Variants in EBF1 observed in about 807,000 individuals in gnomAD.
EBF1 encodes the protein EBF transcription factor 1, also known as transcription factor COE1.
In EBF1, 10 loss-of-function variants were observed where a neutral mutation model predicts 68.4. The ratio of observed to expected loss-of-function variants is 0.15; its 90% CI spans 0.09 to 0.25. The LOEUF (loss-of-function observed/expected upper bound fraction) is 0.25, where lower values mean the gene tolerates loss of function less well. Ranked by LOEUF, EBF1 falls within the 10% of genes least tolerant of loss-of-function variation. EBF1 has a pLI of 1.00. For missense variants in EBF1, 509 were observed against 794.4 expected, an observed-to-expected ratio of 0.64 and a Z score of 4.32; for synonymous variants, 298 against 299.8, an observed-to-expected ratio of 0.99 and a Z score of 0.06.
chr5:159,020,818 T>A lies in EBF1; in HGVS notation c.554+52578A>T, dbSNP rs191712122. 2.3e-4 allele frequency among the ~76,000 whole-genome samples: 35 copies of A among 152,350 alleles called. No homozygotes were observed. In the East Asian group the frequency reaches 6.4e-3, roughly 28 times the overall value. ...AGTAAGTAGATGCTCAGAAAATATA[T>A]CTGATCTAGGCAAACTATGGGGATA... is the stretch of plus-strand genomic sequence containing the variant. On this transcript the variant is annotated intron_variant, in intron 6 of 15. Coordinates refer to ENST00000313708, the MANE Select transcript of EBF1 (RefSeq NM_024007.5).
At chr5:158,839,822 T>C (rs548334675) in intron 7 of EBF1, among the ~76,000 whole-genome samples, 5 of 152,328 alleles carry the variant, frequency 3.3e-5, no homozygotes, top group Admixed American at 1.3e-4. Flanking sequence ...AAGAACACCA[T>C]TGTTTCCACC....
chr5:158,724,740 G>T (rs1482413588), intron 11 of EBF1, among the ~76,000 whole-genome samples: 1 of 152,134 alleles, frequency 6.6e-6, no homozygotes. Flanking sequence ...AATAATATTT[G>T]GCACAATGCA....
At chr5:158,819,627 G>A (rs1784426871) in intron 8 of EBF1, among the ~76,000 whole-genome samples, 2 of 152,206 alleles carry the variant, frequency 1.3e-5, no homozygotes, top group Admixed American at 6.5e-5. Context: ...ACACAGGGTA[G>A]CGCTGAACAT....
At chr5:158,793,482 T>C (rs559522736) in intron 9 of EBF1, among the ~76,000 whole-genome samples, 2 of 152,290 alleles carry the variant, frequency 1.3e-5, no homozygotes, top group South Asian at 2.1e-4. Flanking sequence ...TTATGAAACC[T>C]CATTTTTTTT....
At chr5:158,701,308 A>G (rs1462806150) in intron 15 of EBF1, among the ~76,000 whole-genome samples, 1 of 152,062 alleles carries the variant, frequency 6.6e-6, no homozygotes, top group African/African-American at 2.4e-5. Flanking sequence ...TGGTGGGTCC[A>G]GCCAACATTT....
intron 6 of EBF1, among the ~76,000 whole-genome samples, chr5:158,884,449 A>C (rs1485524127): frequency 6.6e-6 from 1 of 152,226 alleles, no homozygotes; most frequent in Non-Finnish European, 1.5e-5. Flanking sequence ...AATACATTCA[A>C]TAAGCATCTA....
chr5:159,085,912 G>A (rs1780562373), intron 4 of EBF1, among the ~76,000 whole-genome samples: 1 of 152,084 alleles, frequency 6.6e-6, no homozygotes, highest in Non-Finnish European at 1.5e-5. Flanking sequence ...AGTGTGTATA[G>A]ATCCTCAGAG....
Position 158,833,854 on chromosome 5 carries a change from A to G in EBF1, c.636+6175T>C, listed in dbSNP as rs376826745. Among the ~76,000 whole-genome samples the G allele has an allele frequency of 6.6e-5, 10 of 152,208 alleles. No individual in the cohort carries two copies. The East Asian group carries it at 7.7e-4, about 12-fold the overall frequency. On this transcript the variant is annotated intron_variant, in intron 7 of 15. Coordinates refer to ENST00000313708, the MANE Select transcript of EBF1 (RefSeq NM_024007.5). ...CTAGTATCATCCCAAGAAGAATATA[A>G]GTTTCATTAGGGCAAAGACCTTATC...
intron 10 of EBF1, among the ~76,000 whole-genome samples, chr5:158,743,385 T>A (rs1203396043): frequency 6.6e-6 from 1 of 152,102 alleles, no homozygotes; most frequent in Admixed American, 6.5e-5. Context: ...CTTAACATGT[T>A]GAGAGTGAGG....
At chr5:158,885,743 A>C (rs1799910635) in intron 6 of EBF1, among the ~76,000 whole-genome samples, 1 of 152,176 alleles carries the variant, frequency 6.6e-6, no homozygotes, top group African/African-American at 2.4e-5. Context: ...TTTAAATGTC[A>C]TCCTACCAAG....
At position 158,759,239 on chromosome 5, in the gene EBF1, T is replaced by C. The variant is rs148649618; in HGVS notation, c.1036+18174A>G. On this transcript the variant is annotated intron_variant, in intron 10 of 15. Transcript: ENST00000313708. ...TATTTTGGGAGTTAGTCTTGATAGT[T>C]AGATGTCTTATTCTTTCTGCTTCTC... Among the ~76,000 whole-genome samples the C allele has an allele frequency of 1.3e-3, 205 of 152,322 alleles. 1 individual carries two copies. The highest frequency in any genetic ancestry group is 4.5e-3 in the African/African-American group (186 of 41,590).
At chr5:158,973,967 T>A (rs1412829364) in intron 6 of EBF1, among the ~76,000 whole-genome samples, 2 of 152,234 alleles carry the variant, frequency 1.3e-5, no homozygotes, top group African/African-American at 4.8e-5. Context: ...CTAGATCTTA[T>A]GAACAGCAGT....
chr5:159,015,783 C>G (rs1202917598), intron 6 of EBF1, among the ~76,000 whole-genome samples: 1 of 152,188 alleles, frequency 6.6e-6, no homozygotes, highest in African/African-American at 2.4e-5. Flanking sequence ...GCTCTAAGAA[C>G]TTGTACACAT....
chr5:158,746,693 G>T (rs1287060123), intron 10 of EBF1, among the ~76,000 whole-genome samples: 1 of 152,126 alleles, frequency 6.6e-6, no homozygotes, highest in African/African-American at 2.4e-5. Context: ...TAATCTTCCT[G>T]CTCCTATTGA....
intron 6 of EBF1, among the ~76,000 whole-genome samples, chr5:158,892,475 C>CA (rs1166120029): frequency 6.6e-6 from 1 of 151,732 alleles, no homozygotes; most frequent in South Asian, 2.1e-4. Flanking sequence ...GATGACGAAA[C>CA]AAAAAAAACC....
chr5:159,053,164 T>G (rs1327237011), intron 6 of EBF1, among the ~76,000 whole-genome samples: 2 of 152,248 alleles, frequency 1.3e-5, no homozygotes, highest in Non-Finnish European at 2.9e-5. Flanking sequence ...ACTGCAAGGT[T>G]GGCATCCCAG....
Position 158,696,338 on chromosome 5 carries a change from A to T in EBF1, c.*2773T>A. 2 of 221,768 alleles carry T rather than the reference A, an allele frequency of 9.0e-6. No individual in the cohort carries two copies. Among genetic ancestry groups the T allele is most frequent in the Non-Finnish European group, 9.0e-6 (1 of 110,984 alleles). The allele number at this position is 221,768 out of a possible 1,614,324, so 13.7% of individuals were successfully genotyped here. A position where few individuals can be genotyped will look rare whatever the true frequency, so the allele number is the denominator to read the frequency against. On this transcript the variant is annotated 3_prime_UTR_variant, in exon 16 of 16. Coordinates refer to ENST00000313708, the MANE Select transcript of EBF1 (RefSeq NM_024007.5). ...GGCCAGAATGTCTTTTCATCTAATC[A>T]ATAGAAATAGAAGCAACAAAACACA...
chr5:158,888,066 C>A (rs1370784787), intron 6 of EBF1, among the ~76,000 whole-genome samples: 1 of 152,108 alleles, frequency 6.6e-6, no homozygotes, highest in Non-Finnish European at 1.5e-5. Context: ...GTAAAGCTGG[C>A]AGGTGAGGGC....
At chr5:158,874,117 C>G (rs1390713127) in intron 6 of EBF1, among the ~76,000 whole-genome samples, 1 of 152,170 alleles carries the variant, frequency 6.6e-6, no homozygotes, top group African/African-American at 2.4e-5. Context: ...GAGGAGAAAA[C>G]TAGAATATAT....
Sources: gnomAD v4.1 joint callset for allele counts (sites outside exome capture counted in the v4.1 genomes callset) on GRCh38, gnomAD v4.1.1 for gene constraint, MANE v1.5 for transcripts, NCBI Gene and HGNC (gene_info 2026-07-23, HGNC 2026-07-21) for gene names.